The following CELF4 variants were observed in gnomAD, a reference collection of about 807,000 sequenced individuals.
CELF4 encodes CUG-BP- and ETR-3-like factor 4.
CELF4 carries 18 observed loss-of-function variants against 59.9 expected under a neutral mutation model. The observed-to-expected ratio is 0.30, with a 90% CI of 0.21 to 0.45. The LOEUF is 0.45. CELF4 is among the 20% of genes least tolerant of loss of function. CELF4 has a pLI of 1.00. For synonymous variants in CELF4, 261 were observed against 267.1 expected (o/e 0.98, Z 0.22); for missense variants, 456 against 689.0 (o/e 0.66, Z 3.79).
chr18:37,357,827 T>C (rs897582492), intron 2 of CELF4, among the ~76,000 whole-genome samples: 3 of 152,228 alleles, frequency 2.0e-5, no homozygotes, highest in African/African-American at 7.2e-5. Context: ...TTTGGAGCTC[T>C]AAGATTTGAC....
At chr18:37,465,325 G>C (rs2099805018) in intron 2 of CELF4, among the ~76,000 whole-genome samples, 2 of 152,130 alleles carry the variant, frequency 1.3e-5, no homozygotes, top group African/African-American at 4.8e-5. Context: ...CCACCCATCA[G>C]ATTGCCTGGC....
intron 2 of CELF4, among the ~76,000 whole-genome samples, chr18:37,431,756 C>A (rs931288572): frequency 6.6e-6 from 1 of 152,178 alleles, no homozygotes; most frequent in African/African-American, 2.4e-5. Context: ...GGCAGTTGAG[C>A]ACAGGACTTT....
At chr18:37,433,511 G>C (rs2099677653) in intron 2 of CELF4, among the ~76,000 whole-genome samples, 1 of 152,216 alleles carries the variant, frequency 6.6e-6, no homozygotes, top group Non-Finnish European at 1.5e-5. Flanking sequence ...GCACAGCACA[G>C]AGCACACGGT....
chr18:37,405,131 C>T (rs1677029539), intron 2 of CELF4, among the ~76,000 whole-genome samples: 1 of 152,064 alleles, frequency 6.6e-6, no homozygotes, highest in South Asian at 2.1e-4. Context: ...CTGGTTCCTC[C>T]AGCTATTCCT....
intron 7 of CELF4, 51 bp downstream of exon 7, chr18:37,272,965 C>T: frequency 1.3e-6 from 2 of 1,550,432 alleles, no homozygotes; most frequent in Non-Finnish European, 1.8e-6. Context: ...CAGCCTGGGG[C>T]CAGCTGTTCT....
intron 2 of CELF4, among the ~76,000 whole-genome samples, chr18:37,367,905 T>C (rs964941294): frequency 6.6e-6 from 1 of 151,790 alleles, no homozygotes; most frequent in Admixed American, 6.5e-5. Context: ...TTCCAGTTAA[T>C]TGTTTGGCTG....
intron 2 of CELF4, among the ~76,000 whole-genome samples, chr18:37,390,427 G>A (rs370181741): frequency 1.4e-4 from 22 of 152,112 alleles, no homozygotes; most frequent in African/African-American, 3.6e-4. Context: ...TCCTCACTCC[G>A]GCTGGAGGGT....
chr18:37,358,624 C>T (rs2098645588), intron 2 of CELF4, among the ~76,000 whole-genome samples: 1 of 152,174 alleles, frequency 6.6e-6, no homozygotes, highest in African/African-American at 2.4e-5. Flanking sequence ...TGAATTAGTC[C>T]AGGTGCTTTA....
intron 3 of CELF4, among the ~76,000 whole-genome samples, chr18:37,300,396 T>C (rs2095941036): frequency 6.6e-6 from 1 of 152,172 alleles, no homozygotes; most frequent in Admixed American, 6.5e-5. Flanking sequence ...GGCTAATTTT[T>C]GTATTTTTAT....
chr18:37,268,899 C>T (rs2079033226), intron 8 of CELF4, among the ~76,000 whole-genome samples: 2 of 152,312 alleles, frequency 1.3e-5, no homozygotes, highest in East Asian at 1.9e-4. Context: ...CTCCATCCCT[C>T]CCTCCCTCTT....
intron 1 of CELF4, among the ~76,000 whole-genome samples, chr18:37,517,079 A>T (rs2099951528): frequency 6.6e-6 from 1 of 152,172 alleles, no homozygotes; most frequent in African/African-American, 2.4e-5. Flanking sequence ...TGGGTGAGGC[A>T]ACTGGCTCTG....
intron 1 of CELF4, among the ~76,000 whole-genome samples, chr18:37,510,631 G>C (rs2099943174): frequency 6.6e-6 from 1 of 152,230 alleles, no homozygotes; most frequent in South Asian, 2.1e-4. Context: ...CTTTCTACAT[G>C]CCTGGTGGTC....
chr18:37,548,328 G>C (rs2099982106), intron 1 of CELF4, among the ~76,000 whole-genome samples: 1 of 152,224 alleles, frequency 6.6e-6, no homozygotes, highest in Non-Finnish European at 1.5e-5. Flanking sequence ...GCCGGCTTGA[G>C]CATATGACCA....
chr18:37,359,812 G>C (rs2154559243), intron 2 of CELF4, among the ~76,000 whole-genome samples: 1 of 152,064 alleles, frequency 6.6e-6, no homozygotes, highest in African/African-American at 2.4e-5. Flanking sequence ...CTCCTAAAGT[G>C]CTGGGATTAC....
In CELF4 at chr18:37,457,254, G is replaced by A. The variant is rs1481033424; in HGVS notation, c.369+28271C>T. Among the ~76,000 whole-genome samples the A allele has an allele frequency of 2.0e-5, 3 of 152,208 alleles. 1 individual carries two copies. Among genetic ancestry groups the A allele is most frequent in the African/African-American group, 7.2e-5 (3 of 41,454 alleles). On this transcript the variant is annotated intron_variant, in intron 2 of 12. Transcript: ENST00000420428. ...CTGTCTTCAGGAGACACCAGCGGCTGATCGTGGCCCCTCGCTGCCAGCTAG... is the reference window on the plus strand; with the variant it reads ...CTGTCTTCAGGAGACACCAGCGGCTAATCGTGGCCCCTCGCTGCCAGCTAG...
chr18:37,258,588 TG>T (rs1451290620), intron 11 of CELF4, among the ~76,000 whole-genome samples: 1 of 151,172 alleles, frequency 6.6e-6, no homozygotes. Context: ...GGCAGGTGAG[TG>T]GGGAGGGCAG....
intron 1 of CELF4, among the ~76,000 whole-genome samples, chr18:37,527,584 T>C (rs2099965349): frequency 6.6e-6 from 1 of 152,094 alleles, no homozygotes; most frequent in Admixed American, 6.5e-5. Context: ...CATCAAACCA[T>C]GCTCTGAGAC....
chr18:37,425,406 G>C (rs948448189), intron 2 of CELF4, among the ~76,000 whole-genome samples: 13 of 152,244 alleles, frequency 8.5e-5, no homozygotes, highest in African/African-American at 3.1e-4. Flanking sequence ...CCAGCTGCAG[G>C]GAGGGTGCCT....
chr18:37,411,745 GAGA>G (rs2099461525), intron 2 of CELF4, among the ~76,000 whole-genome samples: 3 of 152,322 alleles, frequency 2.0e-5, no homozygotes, highest in Admixed American at 6.5e-5. Context: ...GCAGCTTATC[GAGA>G]AGGGCAGTGG....
Sources: gnomAD v4.1 joint callset for allele counts (sites outside exome capture counted in the v4.1 genomes callset) on GRCh38, gnomAD v4.1.1 for gene constraint, MANE v1.5 for transcripts, NCBI Gene and HGNC (gene_info 2026-07-23, HGNC 2026-07-21) for gene names.